Variants in RADX observed in about 807,000 individuals in gnomAD.
RADX encodes the protein RPA-related protein RADX.
A neutral mutation model predicts 61.6 loss-of-function variants in RADX; 36 were observed. The observed-to-expected ratio is 0.58, with a 90% CI of 0.45 to 0.77. RADX has a LOEUF of 0.77. Among genes scored for constraint, RADX ranks in the 30% least tolerant of loss-of-function variants. The probability of loss-of-function intolerance (pLI) is 0.00; values close to 1 mark genes in which losing one functional copy is unlikely to be tolerated. For synonymous variants in RADX, 272 were observed against 237.9 expected, an observed-to-expected ratio of 1.14 and a Z score of -1.32; for missense variants, 497 against 651.1, an observed-to-expected ratio of 0.76 and a Z score of 2.58.
chrX:106,660,576 G>A (rs1488164497), intron 11 of RADX, among the ~76,000 whole-genome samples: 3 of 112,068 alleles, frequency 2.7e-5, no homozygotes. Flanking sequence ...CAGGACATAG[G>A]CAAGAAAGAA....
intron 12 of RADX, among the ~76,000 whole-genome samples, chrX:106,667,373 G>A (rs1395009627): frequency 1.8e-5 from 2 of 111,234 alleles, no homozygotes; most frequent in African/African-American, 6.6e-5. Context: ...CTGGAGTACA[G>A]TGCTACAATC....
rs775921037 is a variant in RADX at position 106,648,269 on chromosome X, A to G, written c.1905-44A>G. On this transcript the variant is annotated intron_variant, in intron 10 of 13. Coordinates refer to ENST00000372548, the MANE Select transcript of RADX (RefSeq NM_018015.6). The stretch of plus-strand genomic sequence containing the variant: ...CCAGTTGATTTGTTTTTCATTTGAG[A>G]CTCTTTTTATAAGGATTGGTTATAC... 23 of 817,083 alleles carry G rather than the reference A, an allele frequency of 2.8e-5. No individual in the cohort carries two copies. The African/African-American group carries it at 3.9e-4, about 14-fold the overall frequency. 67.3% of individuals were successfully genotyped at this position (817,083 alleles called of 1,213,427 possible).
At position 106,662,085 on chromosome X, in the gene RADX, G is replaced by C; in HGVS notation, c.2049G>C (p.Gln683His). The change falls in exon 12 of 14, where the codon CAG (glutamine) becomes CAC (histidine). Residue 683 changes from glutamine (Q) to histidine (H), a missense_variant. Gln to His is a conservative substitution (Grantham distance 24). Around this residue, in one of 3 missense-constraint regions of RADX, gnomAD observed 267 missense variants for 306.9 expected, o/e 0.87. Transcript: ENST00000372548. The stretch of plus-strand genomic sequence containing the variant: ...CTATAAGTGATAGGTGGGAGAGTCA[G>C]CTGTGGAGAGAGAAAAAGTTTGGCT... ...RKTISDRWES[Q>H]LWREKKFGLI... The C allele has an allele frequency of 8.3e-7, 1 of 1,209,800 alleles. No individual in the cohort carries two copies.
intron 3 of RADX, among the ~76,000 whole-genome samples, chrX:106,627,477 T>C (rs953952799): frequency 9.0e-6 from 1 of 111,602 alleles, no homozygotes; most frequent in East Asian, 2.8e-4. Context: ...GGTAAGGACA[T>C]TAAGAATCTA....
At position 106,640,549 on chromosome X, in the gene RADX, T is replaced by C. The variant is rs1010523125; in HGVS notation, c.1735-3T>C. On this transcript the variant is annotated splice_region_variant and splice_polypyrimidine_tract_variant and intron_variant, in intron 9 of 13. Transcript: ENST00000372548. ...AGTGTTTTCTCTAAATTATTGGTTTTAGAATGCTAACAGACCCTCGACCTC... is the reference window on the plus strand; with the variant it reads ...AGTGTTTTCTCTAAATTATTGGTTTCAGAATGCTAACAGACCCTCGACCTC... 7 of 1,158,317 alleles carry C rather than the reference T, an allele frequency of 6.0e-6. No homozygotes were observed. The highest frequency in any genetic ancestry group is 2.6e-5 in the Admixed American group (1 of 38,456).
chrX:106,669,418 T>C (rs1928313894), intron 13 of RADX, 88 bp downstream of exon 13: 2 of 611,182 alleles, frequency 3.3e-6, no homozygotes, highest in Non-Finnish European at 5.0e-6. Flanking sequence ...TAAACAGTTT[T>C]AGCCTTAAAA....
intron 1 of RADX, among the ~76,000 whole-genome samples, chrX:106,618,992 G>C (rs1041625678): frequency 1.8e-5 from 2 of 109,454 alleles, no homozygotes; most frequent in Non-Finnish European, 3.8e-5. Context: ...GTTTGTACCT[G>C]TTCTTGAAAT....
At chrX:106,659,981 A>G (rs1422916240) in intron 11 of RADX, among the ~76,000 whole-genome samples, 1 of 112,044 alleles carries the variant, frequency 8.9e-6, no homozygotes, top group African/African-American at 3.2e-5. Context: ...AAAAATTAGA[A>G]TAGCATATCA....
chrX:106,668,443 A>G (rs2147642232), intron 12 of RADX, among the ~76,000 whole-genome samples: 1 of 112,108 alleles, frequency 8.9e-6, no homozygotes, highest in South Asian at 3.7e-4. Flanking sequence ...ACTCTGGTCT[A>G]CACCTTTGGC....
intron 13 of RADX, among the ~76,000 whole-genome samples, chrX:106,673,679 T>TCCCCC (rs1331044844): frequency 3.5e-5 from 3 of 85,205 alleles, no homozygotes; most frequent in African/African-American, 1.6e-4. Context: ...CTCCCCCCCA[T>TCCCCC]CCCCCCCCAC....
rs1355166591 is a variant in RADX at position 106,637,934 on chromosome X, TA to T, written c.1573+12del. Reference sequence around the variant, plus strand: ...AGTAGTTCTATTAAAGGTACTAATGTAATTGCCAGTCCTTCTAAATATGTTT... The same window carrying T: ...AGTAGTTCTATTAAAGGTACTAATGTATTGCCAGTCCTTCTAAATATGTTT... On this transcript the variant is annotated intron_variant, in intron 8 of 13. Coordinates refer to ENST00000372548, the MANE Select transcript of RADX (RefSeq NM_018015.6). 1.9e-5 allele frequency: 22 copies of T among 1,162,550 alleles called. No homozygotes were observed. Among genetic ancestry groups the T allele is most frequent in the Non-Finnish European group, 2.5e-5 (21 of 852,496 alleles).
chrX:106,627,559 C>T (rs1261205075), intron 3 of RADX, among the ~76,000 whole-genome samples: 2 of 111,060 alleles, frequency 1.8e-5, no homozygotes, highest in Non-Finnish European at 3.8e-5. Context: ...ATCCCTAAGA[C>T]ATTTCTGCAA....
At chrX:106,675,923 T>A (rs1447864581) in intron 13 of RADX, among the ~76,000 whole-genome samples, 1 of 111,687 alleles carries the variant, frequency 9.0e-6, no homozygotes, top group Non-Finnish European at 1.9e-5. Flanking sequence ...TTATGTGTAT[T>A]CAATCCTCAA....
intron 11 of RADX, among the ~76,000 whole-genome samples, chrX:106,659,730 T>C (rs1928042264): frequency 9.0e-6 from 1 of 111,544 alleles, no homozygotes; most frequent in Admixed American, 9.6e-5. Flanking sequence ...GATTTCATAC[T>C]GATTTGTATT....
Position 106,614,112 on chromosome X carries a change from T to C in RADX, c.643+1389T>C, listed in dbSNP as rs752000249. Among the ~76,000 whole-genome samples, 95 of 111,766 alleles carry C rather than the reference T, an allele frequency of 8.5e-4. 1 individual carries two copies. The highest frequency in any genetic ancestry group is 1.1e-3 in the Non-Finnish European group (60 of 53,065). The stretch of plus-strand genomic sequence containing the variant: ...TGATAAAATCTAGGAAGTGGGCATA[T>C]TGATGTTCACTGTAAAATTTATTCA... On this transcript the variant is annotated intron_variant, in intron 1 of 13. Transcript: ENST00000372548.
intron 12 of RADX, among the ~76,000 whole-genome samples, chrX:106,666,680 G>C (rs1388425120): frequency 1.8e-5 from 2 of 112,047 alleles, no homozygotes; most frequent in Non-Finnish European, 3.8e-5. Flanking sequence ...CACAGTTAAT[G>C]TTATTAAAAT....
At chrX:106,643,850 T>C (rs142506693) in intron 10 of RADX, among the ~76,000 whole-genome samples, 46 of 111,829 alleles carry the variant, frequency 4.1e-4, no homozygotes, top group African/African-American at 1.5e-3. Context: ...TTGCATTGAA[T>C]ATGTAGATTG....
chrX:106,626,616 T>C (rs867508271), intron 3 of RADX, among the ~76,000 whole-genome samples: 1 of 112,251 alleles, frequency 8.9e-6, no homozygotes, highest in East Asian at 2.8e-4. Context: ...CTCTAAGGTA[T>C]GAGAAATTAT....
chrX:106,631,945 A>G (rs1047356544), intron 3 of RADX, among the ~76,000 whole-genome samples: 2 of 111,724 alleles, frequency 1.8e-5, no homozygotes, highest in Admixed American at 9.5e-5. Context: ...GCTGGTAGAA[A>G]CACAAATAGG....
Sources: gnomAD v4.1 joint callset for allele counts (sites outside exome capture counted in the v4.1 genomes callset) on GRCh38, gnomAD v4.1.1 for gene constraint, gnomAD v4.1.1 regional missense constraint, MANE v1.5 for transcripts, NCBI Gene and HGNC (gene_info 2026-07-23, HGNC 2026-07-21) for gene names.